The following PADI2 variants were observed in gnomAD, a reference collection of about 807,000 sequenced individuals.
PADI2 encodes the protein peptidyl arginine deiminase 2.
Under a neutral mutation model 81.1 loss-of-function variants are expected in PADI2, and 70 were observed. The observed-to-expected ratio is 0.86, with a 90% CI of 0.71 to 1.05. The LOEUF (loss-of-function observed/expected upper bound fraction) is 1.05, where lower values mean the gene tolerates loss of function less well. Ranked by LOEUF, PADI2 falls within the 50% of genes least tolerant of loss-of-function variation. The pLI is 0.00. For missense variants in PADI2, 853 were observed against 889.9 expected, an observed-to-expected ratio of 0.96 and a Z score of 0.53; for synonymous variants, 338 against 358.0, an observed-to-expected ratio of 0.94 and a Z score of 0.63.
chr1:17,114,339 T>A (rs1281908308), intron 1 of PADI2, among the ~76,000 whole-genome samples: 2 of 151,988 alleles, frequency 1.3e-5, no homozygotes, highest in Non-Finnish European at 2.9e-5. Context: ...CCAGGGAGGA[T>A]CACAAACAAG....
chr1:17,085,832 G>A (rs1181747217), intron 7 of PADI2, among the ~76,000 whole-genome samples: 1 of 152,164 alleles, frequency 6.6e-6, no homozygotes, highest in Non-Finnish European at 1.5e-5. Flanking sequence ...TTGTGTTTGC[G>A]AGAGCAGCCA....
At chr1:17,092,251 T>C (rs935692534) in intron 6 of PADI2, among the ~76,000 whole-genome samples, 157 bp downstream of exon 6, 8 of 151,902 alleles carry the variant, frequency 5.3e-5, no homozygotes, top group African/African-American at 1.5e-4. Flanking sequence ...CATGGAGTCT[T>C]TCAACTTCAC....
At chr1:17,070,013 T>TTCC in intron 15 of PADI2, 75 bp downstream of exon 15, 1 of 1,517,720 alleles carries the variant, frequency 6.6e-7, no homozygotes, top group Non-Finnish European at 8.9e-7. Flanking sequence ...TTGGACAGCT[T>TTCC]CAGCTGAGGG....
chr1:17,079,506 G>A, intron 10 of PADI2, 91 bp from the exon 11 acceptor site: 1 of 1,106,576 alleles, frequency 9.0e-7, no homozygotes, highest in Non-Finnish European at 1.3e-6. Context: ...CTTCAGTCTG[G>A]GTCTGTGGGC....
At chr1:17,118,846 G>A (rs1417110201) in intron 1 of PADI2, among the ~76,000 whole-genome samples, 1 of 152,114 alleles carries the variant, frequency 6.6e-6, no homozygotes, top group Non-Finnish European at 1.5e-5. Context: ...GCAAGTCTCC[G>A]CGGAAGCTCC....
chr1:17,086,048 G>A (rs1930397655), intron 7 of PADI2, among the ~76,000 whole-genome samples: 1 of 152,160 alleles, frequency 6.6e-6, no homozygotes, highest in African/African-American at 2.4e-5. Context: ...CCCAGGGTAG[G>A]GCACAACCTG....
chr1:17,079,560 CAA>C (rs1187340051), intron 10 of PADI2, 145 bp from the exon 11 acceptor site: 1 of 608,996 alleles, frequency 1.6e-6, no homozygotes. Flanking sequence ...CTATGATTAA[CAA>C]AGAGCAGGGG....
At chr1:17,075,911 G>A (rs896374706) in intron 11 of PADI2, 88 bp from the exon 12 acceptor site, 44 of 1,301,970 alleles carry the variant, frequency 3.4e-5, no homozygotes, top group Admixed American at 7.6e-5. Context: ...GACCCACCTC[G>A]GACCCAGAGT....
rs768770566 is a variant in PADI2 at position 17,104,921 on chromosome 1, C to T, written c.233G>A (p.Arg78Gln). 1.2e-5 allele frequency: 19 copies of T among 1,601,214 alleles called. No homozygotes were observed. Among genetic ancestry groups the T allele is most frequent in the South Asian group, 4.4e-5 (4 of 90,684 alleles). ...GGTGCTCGCCTGGCTCATGGTGACC[C>T]GCAGGGTGGTGCTGGGCGAGAGAAG... ...RWLLSPSTTL[R>Q]VTMSQASTEA... The change falls in exon 2 of 16, where the codon CGG (arginine) becomes CAG (glutamine). Residue 78 changes from arginine to glutamine, a missense_variant. By Grantham distance (43) the Arg-to-Gln change is conservative. Transcript: ENST00000375486.
At chr1:17,117,815 C>T (rs977387780) in intron 1 of PADI2, among the ~76,000 whole-genome samples, 18 of 152,212 alleles carry the variant, frequency 1.2e-4, no homozygotes, top group African/African-American at 3.1e-4. Flanking sequence ...TCTGGCTCCG[C>T]GCCCACTCCC....
intron 9 of PADI2, chr1:17,083,316 G>A (rs988983532): frequency 5.2e-6 from 1 of 191,188 alleles, no homozygotes; most frequent in Non-Finnish European, 1.1e-5. Context: ...CTGCACTCCA[G>A]CCTGGGTGAC....
chr1:17,101,726 T>G (rs999109965), intron 3 of PADI2, among the ~76,000 whole-genome samples: 1 of 152,152 alleles, frequency 6.6e-6, no homozygotes, highest in Non-Finnish European at 1.5e-5. Flanking sequence ...GGGAGTTAGT[T>G]GTATCTTGGG....
At chr1:17,079,552 A>G (rs1035030024) in intron 10 of PADI2, 137 bp from the exon 11 acceptor site, 1 of 624,286 alleles carries the variant, frequency 1.6e-6, no homozygotes, top group East Asian at 2.9e-5. Context: ...CGGTCTTCCT[A>G]TGATTAACAA....
rs1243869511 is a variant in PADI2, at chr1:17,066,770, C to T, written c.*2274G>A. 2 of 152,234 alleles carry T rather than the reference C, an allele frequency of 1.3e-5. No homozygotes were observed. The highest frequency in any genetic ancestry group is 4.8e-5 in the African/African-American group (2 of 41,442). The allele number at this position is 152,234 out of a possible 1,614,324, so 9.4% of individuals were successfully genotyped here. A position where few individuals can be genotyped will look rare whatever the true frequency, so the allele number is the denominator to read the frequency against. ...CACACCAACAGCCATATGACTTCCC[C>T]TTGGACCATTTATTTCATTGTTCTT... On this transcript the variant is annotated 3_prime_UTR_variant, in exon 16 of 16. Coordinates refer to ENST00000375486, the MANE Select transcript of PADI2 (RefSeq NM_007365.3).
intron 11 of PADI2, 92 bp from the exon 12 acceptor site, chr1:17,075,915 C>A: frequency 8.0e-7 from 1 of 1,242,782 alleles, no homozygotes; most frequent in South Asian, 1.2e-5. Flanking sequence ...CACCTCGGAC[C>A]CAGAGTGACA....
intron 6 of PADI2, among the ~76,000 whole-genome samples, chr1:17,090,472 C>T (rs1474637483): frequency 3.3e-5 from 5 of 152,210 alleles, no homozygotes; most frequent in Admixed American, 6.5e-5. Context: ...TACCAGGACA[C>T]CTGACATTCG....
At chr1:17,118,209 T>C (rs1410124023) in intron 1 of PADI2, among the ~76,000 whole-genome samples, 1 of 152,050 alleles carries the variant, frequency 6.6e-6, no homozygotes, top group Non-Finnish European at 1.5e-5. Context: ...TAAACCACGA[T>C]GGTGCCTCCG....
intron 3 of PADI2, among the ~76,000 whole-genome samples, chr1:17,096,941 G>A (rs80054174): frequency 0.016 from 2,397 of 152,316 alleles, 58 homozygotes; most frequent in African/African-American, 0.055. Flanking sequence ...CAGCACTCCT[G>A]GCTTCTACCT....
At position 17,079,391 on chromosome 1, in the gene PADI2, G is replaced by A. The variant is rs761808193; in HGVS notation, c.1183C>T (p.Arg395Trp). 9.3e-6 allele frequency: 15 copies of A among 1,613,838 alleles called. No homozygotes were observed. Among genetic ancestry groups the A allele is most frequent in the African/African-American group, 6.7e-5 (5 of 74,902 alleles). ...LLGPDFGYVT[R>W]EPLFESVTSL... ...GTGACAGACTCAAAGAGGGGCTCCC[G>A]GGTCACGTAGCCAAAATCTGGGCCC... The change falls in exon 11 of 16, where the codon CGG becomes TGG. Residue 395 changes from arginine to tryptophan, a missense_variant. Physicochemically the swap from Arg to Trp is moderately radical, Grantham distance 101. Transcript: ENST00000375486.
Sources: gnomAD v4.1 joint callset for allele counts (sites outside exome capture counted in the v4.1 genomes callset) on GRCh38, gnomAD v4.1.1 for gene constraint, MANE v1.5 for transcripts, NCBI Gene and HGNC (gene_info 2026-07-23, HGNC 2026-07-21) for gene names.